Variants in RASA2 observed in about 807,000 individuals in gnomAD.
The protein encoded by RASA2 is ras GTPase-activating protein 2.
A neutral mutation model predicts 118.2 loss-of-function variants in RASA2; 155 were observed. The ratio of observed to expected loss-of-function variants is 1.31; its 90% confidence interval spans 1.15 to 1.50. RASA2 has a LOEUF of 1.50. Ranked by LOEUF, RASA2 falls within the 40% of genes most tolerant of loss-of-function variation. RASA2 has a pLI of 0.00. For synonymous variants in RASA2, 353 were observed against 349.1 expected, an observed-to-expected ratio of 1.01 and a Z score of -0.12; for missense variants, 1,016 against 1,009.6, an observed-to-expected ratio of 1.01 and a Z score of -0.09.
At chr3:141,569,229 G>GATGAAGTATTTGTAATGGGC (rs2082872481) in intron 9 of RASA2, among the ~76,000 whole-genome samples, 1 of 152,066 alleles carries the variant, frequency 6.6e-6, no homozygotes, top group Non-Finnish European at 1.5e-5. Flanking sequence ...GAATAAAGGG[G>GATGAAGTATTTGTAATGGGC]ATGAAGTATT....
At chr3:141,561,774 A>G (rs1486792114) in intron 9 of RASA2, among the ~76,000 whole-genome samples, 4 of 152,248 alleles carry the variant, frequency 2.6e-5, no homozygotes, top group African/African-American at 9.6e-5. Context: ...GTCTCAAAAT[A>G]GATTAATTTT....
chr3:141,529,035 A>G (rs974302109), intron 3 of RASA2, among the ~76,000 whole-genome samples: 2 of 152,066 alleles, frequency 1.3e-5, no homozygotes, highest in East Asian at 1.9e-4. Flanking sequence ...TTATAAGAAC[A>G]TTTCTGTTTC....
chr3:141,571,264 C>G, intron 10 of RASA2, 142 bp from the exon 11 acceptor site: 1 of 1,291,028 alleles, frequency 7.7e-7, no homozygotes, highest in Admixed American at 2.4e-5. Context: ...CCACAATCAT[C>G]TCTGATAAAA....
intron 19 of RASA2, among the ~76,000 whole-genome samples, chr3:141,601,194 C>T (rs141483974): frequency 2.5e-4 from 38 of 152,194 alleles, no homozygotes; most frequent in Admixed American, 1.8e-3. Flanking sequence ...TGAGAGGCTG[C>T]GGCAGACAGA....
At chr3:141,510,729 A>C (rs1161876322) in intron 1 of RASA2, among the ~76,000 whole-genome samples, 1 of 152,200 alleles carries the variant, frequency 6.6e-6, no homozygotes, top group African/African-American at 2.4e-5. Flanking sequence ...AAAAGCCCTA[A>C]ACTTGAACAT....
In RASA2 at chr3:141,559,951, G is replaced by A. The variant is rs1456119668; in HGVS notation, c.819G>A (p.Lys273=). The change falls in exon 9 of 24, where the codon AAG becomes AAA. Residue 273 remains lysine (K), a synonymous_variant. Transcript: ENST00000286364. ...AAGATGTTTTCCTAGGTGAGATTAA[G>A]GTTCCTGTGAACGTATTAAGAACTG... ...LVQDVFLGEI[K]VPVNVLRTDS... is the part of the protein sequence containing the mutation. 1.2e-6 allele frequency: 2 copies of A among 1,613,294 alleles called. No homozygotes were observed. The highest frequency in any genetic ancestry group is 1.7e-6 in the Non-Finnish European group (2 of 1,179,434).
intron 19 of RASA2, among the ~76,000 whole-genome samples, chr3:141,602,888 C>T (rs553511629): frequency 1.9e-4 from 29 of 152,312 alleles, no homozygotes; most frequent in African/African-American, 5.8e-4. Context: ...TACATGCCTA[C>T]GTTAGCAGTC....
chr3:141,608,174 A>G (rs1025467093), intron 20 of RASA2, among the ~76,000 whole-genome samples: 1 of 152,158 alleles, frequency 6.6e-6, no homozygotes, highest in African/African-American at 2.4e-5. Flanking sequence ...TTGTTCCTAA[A>G]TATTTTTCTA....
intron 5 of RASA2, among the ~76,000 whole-genome samples, chr3:141,549,507 G>C (rs1256195927): frequency 3.3e-5 from 5 of 151,616 alleles, no homozygotes; most frequent in Non-Finnish European, 5.9e-5. Flanking sequence ...GTGTGTGTGT[G>C]TGTGTGTTTG....
chr3:141,487,322 G>A, intron 1 of RASA2, 106 bp downstream of exon 1: 1 of 1,171,044 alleles, frequency 8.5e-7, no homozygotes, highest in Non-Finnish European at 1.1e-6. Flanking sequence ...TGGGATCGCG[G>A]GCCCGGGAGG....
intron 1 of RASA2, among the ~76,000 whole-genome samples, chr3:141,488,869 C>T (rs554398257): frequency 6.6e-6 from 1 of 152,266 alleles, no homozygotes; most frequent in South Asian, 2.1e-4. Context: ...CTATTGGAGA[C>T]TCACTGGTAC....
At chr3:141,498,486 A>G (rs1215297884) in intron 1 of RASA2, among the ~76,000 whole-genome samples, 2 of 151,858 alleles carry the variant, frequency 1.3e-5, no homozygotes, top group Non-Finnish European at 2.9e-5. Context: ...TTGGGGGTTC[A>G]TGAATGTAAT....
At chr3:141,528,333 T>A (rs2082211575) in intron 3 of RASA2, among the ~76,000 whole-genome samples, 1 of 151,970 alleles carries the variant, frequency 6.6e-6, no homozygotes, top group Non-Finnish European at 1.5e-5. Flanking sequence ...TTTATTGAGA[T>A]GTAATTCACA....
rs184459494 is a variant in RASA2, at chr3:141,612,936, G to A, written c.*623G>A. ...GATGTAAACAAAACTCAAGACAGAA[G>A]GAATCAGGGAATATGTGCTATTGTG... On this transcript the variant is annotated 3_prime_UTR_variant, in exon 24 of 24. Transcript: ENST00000286364. The A allele has an allele frequency of 2.6e-5, 4 of 152,362 alleles. No individual in the cohort carries two copies. Among genetic ancestry groups the A allele is most frequent in the African/African-American group, 9.6e-5 (4 of 41,584 alleles). 9.4% of individuals were successfully genotyped at this position (152,362 alleles called of 1,614,324 possible).
chr3:141,512,395 G>A (rs2081965220), intron 2 of RASA2, 115 bp downstream of exon 2: 1 of 724,864 alleles, frequency 1.4e-6, no homozygotes, highest in Non-Finnish European at 2.2e-6. Context: ...TTGCTTTCAT[G>A]TGGCTTTTCA....
intron 3 of RASA2, among the ~76,000 whole-genome samples, chr3:141,518,050 G>A (rs1028935024): frequency 1.3e-5 from 2 of 152,158 alleles, no homozygotes; most frequent in Non-Finnish European, 2.9e-5. Flanking sequence ...TCACATTCCT[G>A]ATCTTTGCAC....
intron 9 of RASA2, among the ~76,000 whole-genome samples, chr3:141,560,801 A>C (rs190913397): frequency 9.9e-5 from 15 of 152,196 alleles, no homozygotes; most frequent in Admixed American, 1.3e-4. Flanking sequence ...TTTAAGGAGC[A>C]CTTTTTGGAT....
At chr3:141,572,775 C>G (rs1409205180) in intron 12 of RASA2, 52 bp downstream of exon 12, 2 of 1,339,228 alleles carry the variant, frequency 1.5e-6, no homozygotes, top group Non-Finnish European at 2.1e-6. Flanking sequence ...GATAGTTGTT[C>G]TTTTATCAAG....
chr3:141,492,378 C>G (rs1166669672), intron 1 of RASA2, among the ~76,000 whole-genome samples: 1 of 152,106 alleles, frequency 6.6e-6, no homozygotes, highest in Non-Finnish European at 1.5e-5. Context: ...GTCATATATT[C>G]ATGTAAGTTA....
Sources: gnomAD v4.1 joint callset for allele counts (sites outside exome capture counted in the v4.1 genomes callset) on GRCh38, gnomAD v4.1.1 for gene constraint, MANE v1.5 for transcripts, NCBI Gene and HGNC (gene_info 2026-07-23, HGNC 2026-07-21) for gene names.